The following STX8 variants were observed in gnomAD, a reference collection of about 807,000 sequenced individuals.
STX8 encodes the protein syntaxin 8.
A neutral mutation model predicts 37.5 loss-of-function variants in STX8; 23 were observed. That is an observed-to-expected ratio of 0.61 (90% CI 0.44 to 0.87). STX8 has a LOEUF of 0.87. Among genes scored for constraint, STX8 ranks in the 40% least tolerant of loss-of-function variants. The pLI, the probability that STX8 is intolerant of heterozygous loss-of-function variation, is 0.00. For missense variants in STX8, 313 were observed against 284.7 expected, an observed-to-expected ratio of 1.10 and a Z score of -0.71; for synonymous variants, 115 against 99.1, an observed-to-expected ratio of 1.16 and a Z score of -0.95.
At chr17:9,529,247 TAGAGAGAGAGAG>T (rs10536811) in intron 4 of STX8, among the ~76,000 whole-genome samples, 20 of 150,128 alleles carry the variant, frequency 1.3e-4, no homozygotes, top group African/African-American at 2.2e-4. Context: ...ACATAGCTCT[TAGAGAGAGAGAG>T]AGAGAGAGAG....
chr17:9,332,265 A>G (rs1909984307), intron 7 of STX8, among the ~76,000 whole-genome samples: 1 of 152,224 alleles, frequency 6.6e-6, no homozygotes, highest in African/African-American at 2.4e-5. Context: ...GCAAATTGGA[A>G]CGAGGGTTGA....
At chr17:9,347,610 A>G (rs1285989540) in intron 7 of STX8, among the ~76,000 whole-genome samples, 1 of 152,150 alleles carries the variant, frequency 6.6e-6, no homozygotes, top group Non-Finnish European at 1.5e-5. Context: ...TCTGCCTCCC[A>G]GGTTCAAGCG....
intron 6 of STX8, among the ~76,000 whole-genome samples, chr17:9,458,596 T>C (rs1441665751): frequency 3.9e-5 from 6 of 152,360 alleles, no homozygotes; most frequent in African/African-American, 1.4e-4. Context: ...CTAGAAAATA[T>C]ACGAGAGGTT....
intron 5 of STX8, among the ~76,000 whole-genome samples, chr17:9,498,925 A>G (rs573315397): frequency 3.9e-5 from 6 of 152,302 alleles, no homozygotes; most frequent in East Asian, 1.9e-4. Flanking sequence ...TGTTCCTTCT[A>G]TCTCAGGGAT....
intron 3 of STX8, among the ~76,000 whole-genome samples, chr17:9,546,674 T>C (rs1198551251): frequency 2.2e-5 from 3 of 136,746 alleles, no homozygotes; most frequent in Non-Finnish European, 4.6e-5. Context: ...CTCGGCTCAC[T>C]GCAACCTCCG....
chr17:9,349,306 ATTT>A (rs1295142389), intron 7 of STX8, among the ~76,000 whole-genome samples: 4 of 104,400 alleles, frequency 3.8e-5, no homozygotes, highest in African/African-American at 1.5e-4. Flanking sequence ...CGATAAATTT[ATTT>A]TCTTTTCTTT....
At position 9,434,056 on chromosome 17, in the gene STX8, T is replaced by A. The variant is rs918053881; in HGVS notation, c.542-55403A>T. Among the ~76,000 whole-genome samples, 13 of 151,938 alleles carry A rather than the reference T, an allele frequency of 8.6e-5. 1 individual carries two copies. The highest frequency in any genetic ancestry group is 6.6e-4 in the Admixed American group (10 of 15,244). ...GCTCACTCTATCGCCTAGGCTGGAG[T>A]GCACTGGCGCAATCTCGGCTCACTG... On this transcript the variant is annotated intron_variant, in intron 6 of 7. Transcript: ENST00000306357.
chr17:9,504,181 T>G (rs918166464), intron 5 of STX8, among the ~76,000 whole-genome samples: 1 of 152,194 alleles, frequency 6.6e-6, no homozygotes, highest in Non-Finnish European at 1.5e-5. Flanking sequence ...TGTATGTGAA[T>G]GTATACAAAA....
intron 6 of STX8, among the ~76,000 whole-genome samples, chr17:9,389,002 T>C (rs537777119): frequency 5.9e-5 from 9 of 152,278 alleles, no homozygotes; most frequent in Non-Finnish European, 8.8e-5. Context: ...ACTTAGAATG[T>C]TTCTATATTT....
intron 7 of STX8, among the ~76,000 whole-genome samples, chr17:9,376,214 C>T (rs762249814): frequency 5.9e-5 from 9 of 151,854 alleles, no homozygotes; most frequent in Non-Finnish European, 7.4e-5. Context: ...CTCTGTGTCT[C>T]GCTAAAGGTT....
intron 7 of STX8, among the ~76,000 whole-genome samples, chr17:9,258,701 G>A (rs1906891986): frequency 1.3e-5 from 2 of 152,206 alleles, no homozygotes; most frequent in South Asian, 2.1e-4. Context: ...AGTTTGTTTT[G>A]TTCTTAGCCT....
chr17:9,458,632 C>T (rs1187632736), intron 6 of STX8, among the ~76,000 whole-genome samples: 2 of 152,178 alleles, frequency 1.3e-5, no homozygotes, highest in East Asian at 3.9e-4. Flanking sequence ...CTCTCGTGCT[C>T]TTGTTCCTCA....
At chr17:9,362,739 G>A (rs544387216) in intron 7 of STX8, among the ~76,000 whole-genome samples, 2 of 150,820 alleles carry the variant, frequency 1.3e-5, no homozygotes, top group South Asian at 2.1e-4. Flanking sequence ...GGAGAATGGC[G>A]TGAACTCAGG....
At chr17:9,260,164 T>C (rs1028837708) in intron 7 of STX8, among the ~76,000 whole-genome samples, 4 of 151,358 alleles carry the variant, frequency 2.6e-5, no homozygotes, top group African/African-American at 9.7e-5. Context: ...CTACAAAGAG[T>C]ATTTTTAAAT....
intron 4 of STX8, among the ~76,000 whole-genome samples, chr17:9,543,941 A>G (rs563210497): frequency 1.3e-5 from 2 of 152,212 alleles, no homozygotes; most frequent in East Asian, 3.9e-4. Flanking sequence ...CCACAGGAAA[A>G]TCAGTTTCAT....
At chr17:9,332,375 A>T (rs903245751) in intron 7 of STX8, among the ~76,000 whole-genome samples, 1 of 152,202 alleles carries the variant, frequency 6.6e-6, no homozygotes, top group African/African-American at 2.4e-5. Context: ...AAATCATCAG[A>T]TCGACGTGCT....
At position 9,338,111 on chromosome 17, in the gene STX8, T is replaced by C. The variant is rs150868550; in HGVS notation, c.643+40441A>G. Among the ~76,000 whole-genome samples the C allele has an allele frequency of 1.3e-3, 181 of 142,724 alleles. 1 individual carries two copies. In the East Asian group the frequency reaches 0.033, roughly 26 times the overall value. 93.6% of individuals were successfully genotyped at this position (142,724 alleles called of 152,430 possible). On this transcript the variant is annotated intron_variant, in intron 7 of 7. Transcript: ENST00000306357. ...TCTTGTCGCCCAGGCTGGAGTGCAA[T>C]GGTGTGATCTTGGCTCATTGCAACC...
intron 7 of STX8, among the ~76,000 whole-genome samples, chr17:9,376,930 G>A (rs1242953351): frequency 2.0e-5 from 3 of 152,172 alleles, no homozygotes; most frequent in Non-Finnish European, 4.4e-5. Flanking sequence ...CAAAGTCCCT[G>A]TGGCCAGAAG....
chr17:9,518,356 A>G (rs2142519437), intron 4 of STX8, among the ~76,000 whole-genome samples: 1 of 152,046 alleles, frequency 6.6e-6, no homozygotes, highest in South Asian at 2.1e-4. Flanking sequence ...TGTCACAGCT[A>G]AGCTTATTAT....
Sources: gnomAD v4.1 joint callset for allele counts (sites outside exome capture counted in the v4.1 genomes callset) on GRCh38, gnomAD v4.1.1 for gene constraint, MANE v1.5 for transcripts, NCBI Gene and HGNC (gene_info 2026-07-23, HGNC 2026-07-21) for gene names.